The following CACNA1G variants were observed in gnomAD, a reference collection of about 807,000 sequenced individuals.
CACNA1G encodes the protein voltage-dependent T-type calcium channel subunit alpha-1G.
CACNA1G carries 67 observed loss-of-function variants against 219.4 expected under a neutral mutation model. The ratio of observed to expected loss-of-function variants is 0.31; its 90% CI spans 0.25 to 0.37. CACNA1G has a LOEUF of 0.37. CACNA1G is among the 10% of genes least tolerant of loss of function. The pLI is 1.00. For synonymous variants in CACNA1G, 1,296 were observed against 1,345.3 expected (o/e 0.96, Z 0.80); for missense variants, 2,380 against 3,231.4 (o/e 0.74, Z 6.39).
chr17:50,614,333 C>T (rs528935155), intron 26 of CACNA1G, among the ~76,000 whole-genome samples: 26 of 152,266 alleles, frequency 1.7e-4, no homozygotes, highest in Non-Finnish European at 2.5e-4. Flanking sequence ...CCTCCTGAGA[C>T]GGGGAAGGGC....
At position 50,617,069 on chromosome 17, in the gene CACNA1G, G is replaced by A. The variant is rs909005377; in HGVS notation, c.5022-369G>A. On this transcript the variant is annotated intron_variant, in intron 28 of 37. Transcript: ENST00000359106. The surrounding 1 kb of genome is among the most constrained non-coding windows in gnomAD (Gnocchi z 5.8). ...TCACTATGTTGCCCAGGCTGTTCTC[G>A]AACTCCTGAGCTCAAGTGATCCTCC... Among the ~76,000 whole-genome samples, 3 of 151,962 alleles carry A rather than the reference G, an allele frequency of 2.0e-5. No homozygotes were observed. The highest frequency in any genetic ancestry group is 4.4e-5 in the Non-Finnish European group (3 of 67,982).
At chr17:50,615,042 C>T (rs995039834) in intron 26 of CACNA1G, among the ~76,000 whole-genome samples, 24 of 152,134 alleles carry the variant, frequency 1.6e-4, no homozygotes, top group East Asian at 7.7e-4. Flanking sequence ...AACACTGAGT[C>T]GAGGGTGTTA....
chr17:50,576,791 G>A (rs1049180819), intron 8 of CACNA1G, among the ~76,000 whole-genome samples: 1 of 152,196 alleles, frequency 6.6e-6, no homozygotes, highest in Non-Finnish European at 1.5e-5. Context: ...GCCCGCACTC[G>A]GGACTCCTTG....
chr17:50,606,063 G>A, intron 23 of CACNA1G, 40 bp downstream of exon 23: 1 of 1,613,792 alleles, frequency 6.2e-7, no homozygotes, highest in Non-Finnish European at 8.5e-7. Flanking sequence ...GGTGAAGGAG[G>A]CTGGAGGGGG....
intron 8 of CACNA1G, among the ~76,000 whole-genome samples, chr17:50,576,640 G>A (rs955186070): frequency 3.3e-5 from 5 of 152,188 alleles, no homozygotes; most frequent in Non-Finnish European, 5.9e-5. Context: ...CATGCTTTGC[G>A]GGCAAAATTC....
At chr17:50,590,090 C>A (rs539750714) in intron 9 of CACNA1G, among the ~76,000 whole-genome samples, 12 of 152,308 alleles carry the variant, frequency 7.9e-5, no homozygotes, top group Admixed American at 2.6e-4. Flanking sequence ...CCTCTGACAT[C>A]CGCCAGCATT....
At chr17:50,586,343 C>A (rs1263306125) in intron 9 of CACNA1G, among the ~76,000 whole-genome samples, 1 of 152,210 alleles carries the variant, frequency 6.6e-6, no homozygotes, top group Non-Finnish European at 1.5e-5. Context: ...TCTCTCCCAC[C>A]AGCCCCTCTC....
chr17:50,585,044 G>A (rs1393872967), intron 9 of CACNA1G, among the ~76,000 whole-genome samples: 1 of 152,152 alleles, frequency 6.6e-6, no homozygotes, highest in Admixed American at 6.5e-5. Context: ...GCTCTTGAAA[G>A]TCTTCGTCAG....
At chr17:50,625,551 G>A (rs997093026) in intron 37 of CACNA1G, among the ~76,000 whole-genome samples, 2 of 152,190 alleles carry the variant, frequency 1.3e-5, no homozygotes, top group East Asian at 1.9e-4. Flanking sequence ...GGAAGGGGTC[G>A]GTTTTACTTG....
At chr17:50,593,320 G>A (rs2044746305) in intron 13 of CACNA1G, among the ~76,000 whole-genome samples, 1 of 152,206 alleles carries the variant, frequency 6.6e-6, no homozygotes, top group South Asian at 2.1e-4. Context: ...GGGCCCCCTG[G>A]CCCCTTCTGA....
intron 19 of CACNA1G, 144 bp downstream of exon 19, chr17:50,601,318 A>T: frequency 9.9e-7 from 1 of 1,010,276 alleles, no homozygotes. Context: ...TAGGTCTCTC[A>T]CCAGATCCTG....
At chr17:50,594,259 C>T (rs2045017850) in intron 13 of CACNA1G, among the ~76,000 whole-genome samples, 1 of 152,214 alleles carries the variant, frequency 6.6e-6, no homozygotes, top group Non-Finnish European at 1.5e-5. Context: ...ATTAAATGAA[C>T]AGGCAGCAGG....
chr17:50,584,108 A>G (rs992757447), intron 9 of CACNA1G, among the ~76,000 whole-genome samples: 8 of 151,972 alleles, frequency 5.3e-5, no homozygotes, highest in Non-Finnish European at 8.8e-5. Context: ...TTGGGAGAGG[A>G]GGCGAGAGGG....
Position 50,578,376 on chromosome 17 carries a change from C to T in CACNA1G, c.2113C>T (p.Leu705Phe), listed in dbSNP as rs1010229096. ...EFTQDAQHSD[L>F]RDPHSRRQRS... ...CACACAGGATGCCCAGCACAGCGAC[C>T]TCCGGGACCCCCACAGCCGGCGGCA... is the stretch of plus-strand genomic sequence containing the variant. Residue 705 changes from leucine (L) to phenylalanine (F), a missense_variant, in exon 9 of 38, where the codon CTC (leucine) becomes TTC (phenylalanine). By Grantham distance (22) the Leu-to-Phe change is conservative. Transcript: ENST00000359106. The surrounding 1 kb of genome is among the most constrained non-coding windows in gnomAD (Gnocchi z 4.5). The T allele has an allele frequency of 6.2e-7, 1 of 1,613,218 alleles. No homozygotes were observed. The highest frequency in any genetic ancestry group is 1.3e-5 in the African/African-American group (1 of 74,944).
chr17:50,609,026 C>T (rs1319405072), intron 25 of CACNA1G, among the ~76,000 whole-genome samples: 1 of 152,172 alleles, frequency 6.6e-6, no homozygotes, highest in Non-Finnish European at 1.5e-5. Context: ...TTCCCATGCT[C>T]TCTTCACCTT....
Position 50,578,437 on chromosome 17 carries a change from T to C in CACNA1G, c.2174T>C (p.Val725Ala), listed in dbSNP as rs1314249036. 9.3e-6 allele frequency: 15 copies of C among 1,606,854 alleles called. No individual in the cohort carries two copies. Among genetic ancestry groups the C allele is most frequent in the Middle Eastern group, 1.7e-4 (1 of 6,044 alleles). The change falls in exon 9 of 38, where the codon GTG becomes GCG. Residue 725 changes from valine (V) to alanine (A), a missense_variant. Around this residue, in one of 17 missense-constraint regions of CACNA1G, gnomAD observed 434 missense variants for 417.3 expected, o/e 1.04. Transcript: ENST00000359106. The surrounding 1 kb of genome is among the most constrained non-coding windows in gnomAD (Gnocchi z 4.5). ...GGCCCAGATGCAGAGCCCAGCTCTG[T>C]GCTGGCCTTCTGGAGGCTAATCTGT... The part of the protein sequence containing the change: ...SLGPDAEPSS[V>A]LAFWRLICDT...
chr17:50,606,589 A>T, intron 23 of CACNA1G: 1 of 539,846 alleles, frequency 1.9e-6, no homozygotes, highest in Non-Finnish European at 3.3e-6. Flanking sequence ...CAGAAAATGA[A>T]ATTGCTCGCT....
Position 50,561,693 on chromosome 17 carries a change from C to G in CACNA1G, c.234C>G (p.Val78=). Residue 78 remains valine (V), a synonymous_variant, in exon 1 of 38, where the codon GTC becomes GTG. Coordinates refer to ENST00000359106, the MANE Select transcript of CACNA1G (RefSeq NM_018896.5). ...SRPRSWCLRT[V]CNPWFERISM... ...CGCGGAGCTGGTGTCTCCGCACGGTCTGTAACCCATATCCTTCGGGGCACG... is the reference window on the plus strand; with the variant it reads ...CGCGGAGCTGGTGTCTCCGCACGGTGTGTAACCCATATCCTTCGGGGCACG... 6.3e-7 allele frequency: 1 copy of G among 1,591,306 alleles called. No individual in the cohort carries two copies. The highest frequency in any genetic ancestry group is 1.1e-5 in the South Asian group (1 of 89,976).
chr17:50,583,173 G>A (rs1271551503), intron 9 of CACNA1G, among the ~76,000 whole-genome samples: 1 of 152,188 alleles, frequency 6.6e-6, no homozygotes, highest in African/African-American at 2.4e-5. Flanking sequence ...ACCCCAGCCA[G>A]TCCCTTGGTC....
Sources: allele counts gnomAD v4.1 joint callset (sites outside exome capture counted in the v4.1 genomes callset), GRCh38; gene constraint gnomAD v4.1.1; regional missense constraint gnomAD v4.1.1; non-coding constraint Gnocchi (gnomAD v3.1); transcripts MANE v1.5; gene names NCBI Gene and HGNC (gene_info 2026-07-23, HGNC 2026-07-21).